The following KIF2A variants were observed in gnomAD, a reference collection of about 807,000 sequenced individuals.
The protein encoded by KIF2A is kinesin-like protein KIF2A.
KIF2A carries 22 observed loss-of-function variants against 100.2 expected under a neutral mutation model. That is an observed-to-expected ratio of 0.22 (90% CI 0.16 to 0.31). The LOEUF is 0.31. KIF2A is among the 10% of genes least tolerant of loss of function. The pLI is 1.00. For missense variants in KIF2A, 495 were observed against 898.7 expected, an observed-to-expected ratio of 0.55 and a Z score of 5.74; for synonymous variants, 268 against 285.9, an observed-to-expected ratio of 0.94 and a Z score of 0.63.
intron 4 of KIF2A, among the ~76,000 whole-genome samples, chr5:62,351,230 CAATA>C (rs976698066): frequency 8.0e-5 from 12 of 150,622 alleles, no homozygotes; most frequent in South Asian, 2.1e-4. Flanking sequence ...GACCCTGTCT[CAATA>C]AATAAATAAA....
chr5:62,356,147 CAT>C (rs1049375986), intron 7 of KIF2A, among the ~76,000 whole-genome samples: 3 of 152,148 alleles, frequency 2.0e-5, no homozygotes, highest in African/African-American at 7.2e-5. Flanking sequence ...ATCCATCTGA[CAT>C]AGCATATACA....
chr5:62,379,376 T>C (rs1741681297), intron 19 of KIF2A, among the ~76,000 whole-genome samples: 1 of 151,672 alleles, frequency 6.6e-6, no homozygotes, highest in Non-Finnish European at 1.5e-5. Context: ...AAAATTGGAG[T>C]GTATGACCAG....
intron 1 of KIF2A, among the ~76,000 whole-genome samples, chr5:62,346,779 T>C (rs1747592184): frequency 6.6e-6 from 1 of 152,206 alleles, no homozygotes; most frequent in South Asian, 2.1e-4. Flanking sequence ...TTCTTTGTTC[T>C]ACAGAATCAT....
At chr5:62,313,766 T>C (rs1579996688) in intron 1 of KIF2A, among the ~76,000 whole-genome samples, 3 of 152,218 alleles carry the variant, frequency 2.0e-5, no homozygotes, top group South Asian at 2.1e-4. Context: ...ATTTGAGTTA[T>C]AAGTTTATAA....
chr5:62,340,348 A>G (rs1561261562), intron 1 of KIF2A, among the ~76,000 whole-genome samples: 1 of 152,214 alleles, frequency 6.6e-6, no homozygotes, highest in South Asian at 2.1e-4. Flanking sequence ...ATGTGGAAGT[A>G]TATGTGATAT....
chr5:62,327,970 T>C (rs1208380964), intron 1 of KIF2A, among the ~76,000 whole-genome samples: 2 of 152,216 alleles, frequency 1.3e-5, no homozygotes, highest in African/African-American at 4.8e-5. Flanking sequence ...GTTCACAGAA[T>C]AGCACTGCTG....
At chr5:62,352,800 C>T in intron 5 of KIF2A, 90 bp downstream of exon 5, 5 of 955,950 alleles carry the variant, frequency 5.2e-6, no homozygotes, top group Non-Finnish European at 7.4e-6. Context: ...AGAGTAAACA[C>T]TCTAAATACA....
At chr5:62,370,291 T>C (rs1741262272) in intron 16 of KIF2A, among the ~76,000 whole-genome samples, 1 of 151,858 alleles carries the variant, frequency 6.6e-6, no homozygotes, top group Admixed American at 6.6e-5. Flanking sequence ...AGAGATACTT[T>C]ATTTATTTAT....
At position 62,306,256 on chromosome 5, in the gene KIF2A, C is replaced by T; in HGVS notation, c.-217C>T. 1 of 530,370 alleles carries T rather than the reference C, an allele frequency of 1.9e-6. No homozygotes were observed. Among genetic ancestry groups the T allele is most frequent in the South Asian group, 2.4e-5 (1 of 41,850 alleles). 32.9% of individuals were successfully genotyped at this position (530,370 alleles called of 1,614,324 possible). A position where few individuals can be genotyped will look rare whatever the true frequency, so the allele number is the denominator to read the frequency against. On this transcript the variant is annotated 5_prime_UTR_variant, in exon 1 of 21. Coordinates refer to ENST00000407818, the MANE Select transcript of KIF2A (RefSeq NM_001098511.3). ...CCCGGCCCTAGCTTCACCCCGACTA[C>T]CCGGCGTGCGCGTCCTCCTGCCGGC...
intron 1 of KIF2A, among the ~76,000 whole-genome samples, chr5:62,317,848 T>C (rs1235819446): frequency 1.3e-5 from 2 of 152,208 alleles, no homozygotes; most frequent in Non-Finnish European, 2.9e-5. Flanking sequence ...GTACAAATGC[T>C]CTGTGGCTCT....
rs543081655 is a variant in KIF2A at position 62,389,034 on chromosome 5, G to A, written c.*3465G>A. On this transcript the variant is annotated 3_prime_UTR_variant, in exon 21 of 21. Transcript: ENST00000407818. Reference sequence around the variant, plus strand: ...CCTAGGAAAAATGAATACCTTCTGCGTTGAATCCATGTAGCAATCTGAAAA... The same window carrying A: ...CCTAGGAAAAATGAATACCTTCTGCATTGAATCCATGTAGCAATCTGAAAA... 33 of 1,609,402 alleles carry A rather than the reference G, an allele frequency of 2.1e-5. No homozygotes were observed. The African/African-American group carries it at 2.2e-4, about 11-fold the overall frequency.
At chr5:62,380,811 G>C (rs1430885835) in intron 19 of KIF2A, among the ~76,000 whole-genome samples, 3 of 152,098 alleles carry the variant, frequency 2.0e-5, no homozygotes, top group Non-Finnish European at 4.4e-5. Flanking sequence ...GAAGAGGCAG[G>C]CTGGACCTGG....
intron 11 of KIF2A, among the ~76,000 whole-genome samples, chr5:62,362,031 C>CAA (rs1029470528): frequency 8.3e-6 from 1 of 120,906 alleles, no homozygotes; most frequent in Non-Finnish European, 1.8e-5. Context: ...GACCCCATCT[C>CAA]AAAAAAAAAA....
At chr5:62,377,071 C>A (rs185658959) in intron 18 of KIF2A, among the ~76,000 whole-genome samples, 1 of 152,254 alleles carries the variant, frequency 6.6e-6, no homozygotes, top group African/African-American at 2.4e-5. Flanking sequence ...CTAGAGTCAA[C>A]TATATGTTTT....
intron 16 of KIF2A, among the ~76,000 whole-genome samples, chr5:62,367,311 G>T (rs566324146): frequency 3.3e-5 from 5 of 152,002 alleles, no homozygotes; most frequent in South Asian, 2.1e-4. Flanking sequence ...CTGTCACTCA[G>T]GCTGGAGTGC....
intron 1 of KIF2A, among the ~76,000 whole-genome samples, chr5:62,330,272 G>A (rs1486441812): frequency 2.0e-5 from 3 of 152,044 alleles, no homozygotes; most frequent in South Asian, 2.1e-4. Flanking sequence ...GATCACTTGA[G>A]CCCAGAAGGC....
At chr5:62,316,560 T>C (rs1341124002) in intron 1 of KIF2A, among the ~76,000 whole-genome samples, 5 of 152,228 alleles carry the variant, frequency 3.3e-5, no homozygotes, top group Admixed American at 3.3e-4. Context: ...GAAATTATTC[T>C]GTATGATACT....
intron 3 of KIF2A, among the ~76,000 whole-genome samples, chr5:62,348,693 GC>G (rs1413653044): frequency 6.6e-6 from 1 of 152,110 alleles, no homozygotes; most frequent in Non-Finnish European, 1.5e-5. Flanking sequence ...TATTCTTCTG[GC>G]TTTTAAAGAT....
chr5:62,366,116 A>T (rs2111967055), intron 15 of KIF2A, among the ~76,000 whole-genome samples: 1 of 145,352 alleles, frequency 6.9e-6, no homozygotes, highest in East Asian at 2.0e-4. Context: ...AAAGCTGTTT[A>T]AAAAAAAAAA....
Sources: allele counts gnomAD v4.1 joint callset (sites outside exome capture counted in the v4.1 genomes callset), GRCh38; gene constraint gnomAD v4.1.1; transcripts MANE v1.5; gene names NCBI Gene and HGNC (gene_info 2026-07-23, HGNC 2026-07-21).